SMARCA4: variants seen among roughly 807,000 people sequenced by gnomAD.
The protein encoded by SMARCA4 is SWI/SNF-related matrix-associated actin-dependent regulator of chromatin subfamily A member 4.
A neutral mutation model predicts 193.9 loss-of-function variants in SMARCA4; 31 were observed. The observed-to-expected ratio is 0.16, with a 90% confidence interval of 0.12 to 0.22. SMARCA4 has a LOEUF of 0.22. SMARCA4 is among the 10% of genes least tolerant of loss of function. The probability of loss-of-function intolerance (pLI) is 1.00; values close to 1 mark genes in which losing one functional copy is unlikely to be tolerated. For missense variants in SMARCA4, 1,148 were observed against 2,296.0 expected, an observed-to-expected ratio of 0.50 and a Z score of 10.22; for synonymous variants, 942 against 933.1, an observed-to-expected ratio of 1.01 and a Z score of -0.17.
intron 1 of SMARCA4, among the ~76,000 whole-genome samples, chr19:10,982,923 G>T (rs1405593841): frequency 6.6e-6 from 1 of 152,182 alleles, no homozygotes; most frequent in Admixed American, 6.5e-5. Flanking sequence ...ATTCCAAAAG[G>T]CAGCAGAAAC....
chr19:11,055,816 A>G (rs959067822), intron 30 of SMARCA4, among the ~76,000 whole-genome samples: 2 of 151,404 alleles, frequency 1.3e-5, no homozygotes, highest in African/African-American at 4.9e-5. Context: ...CTGGTCTCAA[A>G]CTCCTGGGCT....
chr19:10,983,771 G>A (rs777726309), intron 1 of SMARCA4: 3 of 341,034 alleles, frequency 8.8e-6, no homozygotes, highest in Non-Finnish European at 1.7e-5. Context: ...TGTTCTTTCT[G>A]TTAGGAAGAT....
At chr19:11,043,513 G>T (rs964067175) in intron 30 of SMARCA4, among the ~76,000 whole-genome samples, 1 of 151,838 alleles carries the variant, frequency 6.6e-6, no homozygotes, top group South Asian at 2.1e-4. Context: ...ATACAGCTGC[G>T]GGCAGTAGCA....
intron 6 of SMARCA4, among the ~76,000 whole-genome samples, chr19:10,988,573 G>A (rs1209568375): frequency 6.6e-6 from 1 of 152,114 alleles, no homozygotes; most frequent in African/African-American, 2.4e-5. Context: ...TAACAAGTTA[G>A]ACTTGTTCCT....
intron 1 of SMARCA4, among the ~76,000 whole-genome samples, chr19:10,966,421 T>A (rs1239014612): frequency 6.6e-6 from 1 of 151,822 alleles, no homozygotes; most frequent in East Asian, 1.9e-4. Context: ...CGAAACCCCG[T>A]CTCTACAGAA....
At chr19:11,061,696 CAAGTTTATTTA>C (rs2076909905) in intron 34 of SMARCA4, 77 bp from the exon 35 acceptor site, 4 of 1,300,676 alleles carry the variant, frequency 3.1e-6, no homozygotes, top group Non-Finnish European at 4.4e-6. Context: ...TTTTCTTGAG[CAAGTTTATTTA>C]AAGTTTGGCA....
chr19:10,969,700 G>C (rs2084526127), intron 1 of SMARCA4, among the ~76,000 whole-genome samples: 1 of 152,188 alleles, frequency 6.6e-6, no homozygotes, highest in Admixed American at 6.5e-5. Context: ...GAAGTGCTGG[G>C]ATTACAGGCA....
rs931724160 is a variant in SMARCA4, at chr19:10,973,358, C to T, written c.-31-10763C>T. 1.1e-4 allele frequency among the ~76,000 whole-genome samples: 17 copies of T among 151,934 alleles called. 1 individual carries two copies. Among genetic ancestry groups the T allele is most frequent in the East Asian group, 9.7e-4 (5 of 5,170 alleles). ...AGGACACTCCCCTAAGGCAGAGAAC[C>T]GTCCTGGATGCTTTTAGGTCCCTTG... On this transcript the variant is annotated intron_variant, in intron 1 of 34. Coordinates refer to ENST00000344626, the MANE Select transcript of SMARCA4 (RefSeq NM_003072.5).
At chr19:11,006,215 G>A (rs763306165) in intron 13 of SMARCA4, among the ~76,000 whole-genome samples, 2 of 152,220 alleles carry the variant, frequency 1.3e-5, no homozygotes, top group African/African-American at 2.4e-5. Flanking sequence ...GGCAATACAA[G>A]AATAGTTTAA....
Position 11,031,536 on chromosome 19 carries a change from T to TCTGCCTTCGCACA in SMARCA4, c.3546+644_3546+656dup, listed in dbSNP as rs1420934370. ...TCTCTTCTGAGCCTCTGCCAGCCCA[T>TCTGCCTTCGCACA]CTGCCTTCGCACATGTATGTACTGA... On this transcript the variant is annotated intron_variant, in intron 25 of 34. Coordinates refer to ENST00000344626, the MANE Select transcript of SMARCA4 (RefSeq NM_003072.5). This position sits in a 1 kb window ranked among gnomAD's most constrained non-coding sequence, Gnocchi z 4.3. 1.2e-5 allele frequency: 2 copies of TCTGCCTTCGCACA among 161,156 alleles called. No individual in the cohort carries two copies. The highest frequency in any genetic ancestry group is 2.8e-5 in the Non-Finnish European group (2 of 72,694). The allele number at this position is 161,156 out of a possible 1,614,324, so 10.0% of individuals were successfully genotyped here.
intron 8 of SMARCA4, among the ~76,000 whole-genome samples, chr19:10,993,746 T>C (rs1238145497): frequency 2.0e-5 from 3 of 151,574 alleles, no homozygotes; most frequent in South Asian, 2.1e-4. Context: ...GCTGGGTTCA[T>C]GCCATTCTTC....
At chr19:11,002,433 C>T (rs1416056398) in intron 11 of SMARCA4, among the ~76,000 whole-genome samples, 1 of 151,854 alleles carries the variant, frequency 6.6e-6, no homozygotes, top group Non-Finnish European at 1.5e-5. Context: ...GAGCCGATAC[C>T]GCACCACTGC....
rs977917230 is a variant in SMARCA4 at position 11,026,263 on chromosome 19, C to T, written c.3169-37C>T. ...CCGCAGCGGGGCCCGGTGGCCTGCT[C>T]CTGCCTGTCACTGACCCCTCTCTCC... On this transcript the variant is annotated intron_variant, in intron 22 of 34. Transcript: ENST00000344626. 8 of 1,592,812 alleles carry T rather than the reference C, an allele frequency of 5.0e-6. No individual in the cohort carries two copies. In the South Asian group the frequency reaches 6.6e-5, roughly 13 times the overall value.
At chr19:11,007,805 A>G (rs2146184806) in intron 13 of SMARCA4, 97 bp from the exon 14 acceptor site, 1 of 1,301,282 alleles carries the variant, frequency 7.7e-7, no homozygotes, top group Non-Finnish European at 1.1e-6. Flanking sequence ...GAGGGCTGTA[A>G]GAAGATCACT....
intron 9 of SMARCA4, 86 bp downstream of exon 9, chr19:10,995,087 A>G: frequency 7.7e-7 from 1 of 1,291,198 alleles, no homozygotes; most frequent in Non-Finnish European, 1.1e-6. Context: ...GGGTTACGCC[A>G]AGGCATTTCA....
chr19:11,044,788 C>T (rs1020754981), intron 30 of SMARCA4, among the ~76,000 whole-genome samples: 19 of 152,324 alleles, frequency 1.2e-4, no homozygotes, highest in African/African-American at 4.6e-4. Flanking sequence ...TCTGACCCAG[C>T]AGCCTGCAGC....
intron 11 of SMARCA4, 72 bp from the exon 12 acceptor site, chr19:11,002,957 C>T (rs2146090797): frequency 6.3e-7 from 1 of 1,578,618 alleles, no homozygotes; most frequent in Non-Finnish European, 8.7e-7. Flanking sequence ...GGGTGCTTCC[C>T]ACCTTGGCCT....
chr19:10,978,811 T>C (rs2085338829), intron 1 of SMARCA4, among the ~76,000 whole-genome samples: 1 of 151,406 alleles, frequency 6.6e-6, no homozygotes, highest in African/African-American at 2.4e-5. Flanking sequence ...TAGCCAGGTA[T>C]AGTGGTGCGT....
At chr19:10,962,444 A>G (rs1215525252) in intron 1 of SMARCA4, among the ~76,000 whole-genome samples, 2 of 152,084 alleles carry the variant, frequency 1.3e-5, no homozygotes, top group African/African-American at 4.8e-5. Flanking sequence ...CTGAACCTGC[A>G]CTGTGAGAGG....
Sources: allele counts gnomAD v4.1 joint callset (sites outside exome capture counted in the v4.1 genomes callset), GRCh38; gene constraint gnomAD v4.1.1; non-coding constraint Gnocchi (gnomAD v3.1); transcripts MANE v1.5; gene names NCBI Gene and HGNC (gene_info 2026-07-23, HGNC 2026-07-21).